The following CHAMP1 variants were observed in gnomAD, a reference collection of about 807,000 sequenced individuals.
CHAMP1 encodes the protein chromosome alignment maintaining phosphoprotein 1, also known as chromosome alignment-maintaining phosphoprotein 1.
A neutral mutation model predicts 54.5 loss-of-function variants in CHAMP1; 4 were observed. That is an observed-to-expected ratio of 0.07 (90% CI 0.04 to 0.17). The LOEUF (loss-of-function observed/expected upper bound fraction) is 0.17, where lower values mean the gene tolerates loss of function less well. Ranked by LOEUF, CHAMP1 falls within the 10% of genes least tolerant of loss-of-function variation. The pLI, the probability that CHAMP1 is intolerant of heterozygous loss-of-function variation, is 1.00. For missense variants in CHAMP1, 994 were observed against 968.6 expected, an observed-to-expected ratio of 1.03 and a Z score of -0.35; for synonymous variants, 368 against 342.2, an observed-to-expected ratio of 1.08 and a Z score of -0.83.
At chr13:114,323,256 T>C (rs2087195826) in intron 2 of CHAMP1, 1 of 152,274 alleles carries the variant, frequency 6.6e-6, no homozygotes, top group African/African-American at 2.4e-5. Context: ...CAAAATATGT[T>C]GACATGAAAT....
Position 114,323,833 on chromosome 13 carries a change from A to G in CHAMP1, c.-10A>G. The stretch of plus-strand genomic sequence containing the variant: ...GAATATAACCGTGTGTGTTGGTAAC[A>G]GACAGAAGAATGGAAGCATTCCAGG... On this transcript the variant is annotated 5_prime_UTR_variant, in exon 3 of 3. Transcript: ENST00000361283. The G allele has an allele frequency of 6.3e-7, 1 of 1,577,516 alleles. No homozygotes were observed. Among genetic ancestry groups the G allele is most frequent in the Non-Finnish European group, 8.6e-7 (1 of 1,166,780 alleles).
intron 1 of CHAMP1, among the ~76,000 whole-genome samples, 166 bp downstream of exon 1, chr13:114,314,809 C>T (rs554230343): frequency 1.3e-5 from 2 of 151,880 alleles, no homozygotes; most frequent in Admixed American, 1.3e-4. Context: ...GGCCCGCCCC[C>T]ACAGGCCGGG....
At chr13:114,318,589 G>T (rs2087128880) in intron 1 of CHAMP1, among the ~76,000 whole-genome samples, 1 of 152,044 alleles carries the variant, frequency 6.6e-6, no homozygotes, top group Admixed American at 6.6e-5. Flanking sequence ...CTTCCAGAGT[G>T]CTGGGATTAC....
Position 114,324,995 on chromosome 13 carries a change from G to C in CHAMP1, c.1153G>C (p.Ala385Pro). ...ACCCAGCTCCTGGAAGTCTCCCCCT[G>C]CATCTCCTGAGTCATGGAAGTCTGG... Reference protein sequence around the residue: ...VSPSSWKSPPASPESWKSGPP... With the variant: ...VSPSSWKSPPPSPESWKSGPP... Residue 385 changes from alanine (A) to proline (P), a missense_variant, in exon 3 of 3, where the codon GCA (alanine) becomes CCA (proline). Physicochemically the swap from Ala to Pro is conservative, Grantham distance 27 (BLOSUM62 -1). Coordinates refer to ENST00000361283, the MANE Select transcript of CHAMP1 (RefSeq NM_032436.4). 8 of 1,614,012 alleles carry C rather than the reference G, an allele frequency of 5.0e-6. No individual in the cohort carries two copies. The highest frequency in any genetic ancestry group is 6.8e-6 in the Non-Finnish European group (8 of 1,180,018).
intron 1 of CHAMP1, among the ~76,000 whole-genome samples, chr13:114,318,206 T>C (rs1210717656): frequency 6.6e-6 from 1 of 152,226 alleles, no homozygotes; most frequent in East Asian, 1.9e-4. Context: ...AGTGTTGTGA[T>C]CTTTGACAGG....
chr13:114,325,487 G>A lies in CHAMP1; in HGVS notation c.1645G>A (p.Ala549Thr), dbSNP rs2087236179. The A allele has an allele frequency of 6.2e-7, 1 of 1,613,960 alleles. No homozygotes were observed. The highest frequency in any genetic ancestry group is 8.5e-7 in the Non-Finnish European group (1 of 1,180,030). The change falls in exon 3 of 3, where the codon GCC becomes ACC. Residue 549 changes from alanine (A) to threonine (T), a missense_variant. Around this residue, in one of 3 missense-constraint regions of CHAMP1, gnomAD observed 851 missense variants for 701.3 expected, o/e 1.21. Coordinates refer to ENST00000361283, the MANE Select transcript of CHAMP1 (RefSeq NM_032436.4). ...PPASPEARKR[A>T]LFPEPRKHAL... ...TGCTTCTCCAGAAGCACGCAAACGT[G>A]CCCTTTTTCCAGAGCCCCGGAAGCA...
chr13:114,316,884 A>T (rs1423694491), intron 1 of CHAMP1, among the ~76,000 whole-genome samples: 1 of 151,986 alleles, frequency 6.6e-6, no homozygotes, highest in African/African-American at 2.4e-5. Flanking sequence ...CAGATTTCAG[A>T]TTTTCAGATT....
At position 114,324,708 on chromosome 13, in the gene CHAMP1, C is replaced by T; in HGVS notation, c.866C>T (p.Pro289Leu). ...RKPSPSESPE[P>L]WKPFPAVSPE... ...CCATCCCCTTCAGAGTCTCCTGAAC[C>T]TTGGAAGCCGTTCCCTGCTGTCTCC... The change falls in exon 3 of 3, where the codon CCT (proline) becomes CTT (leucine). Residue 289 changes from proline to leucine, a missense_variant. Physicochemically the swap from Pro to Leu is moderately conservative, Grantham distance 98 (BLOSUM62 -3). Transcript: ENST00000361283. 1.2e-6 allele frequency: 2 copies of T among 1,613,776 alleles called. No homozygotes were observed. Among genetic ancestry groups the T allele is most frequent in the Non-Finnish European group, 1.7e-6 (2 of 1,179,818 alleles).
chr13:114,321,716 A>G (rs2087174851), intron 2 of CHAMP1, among the ~76,000 whole-genome samples: 1 of 151,990 alleles, frequency 6.6e-6, no homozygotes. Context: ...TTAACCCATT[A>G]TTTTTCCATG....
At chr13:114,317,705 G>C (rs1174163665) in intron 1 of CHAMP1, among the ~76,000 whole-genome samples, 1 of 152,146 alleles carries the variant, frequency 6.6e-6, no homozygotes, top group Non-Finnish European at 1.5e-5. Context: ...CTTTGAACAT[G>C]TTCTACTTAT....
At chr13:114,316,229 T>C (rs558479160) in intron 1 of CHAMP1, among the ~76,000 whole-genome samples, 1 of 149,908 alleles carries the variant, frequency 6.7e-6, no homozygotes, top group Non-Finnish European at 1.5e-5. Context: ...AGTTATGCGA[T>C]CTTGGCCCAC....
At position 114,325,409 on chromosome 13, in the gene CHAMP1, A is replaced by G. The variant is rs1555379798; in HGVS notation, c.1567A>G (p.Thr523Ala). Residue 523 changes from threonine to alanine, a missense_variant, in exon 3 of 3, where the codon ACT becomes GCT. By Grantham distance (58) the Thr-to-Ala change is moderately conservative. Around this residue, in one of 3 missense-constraint regions of CHAMP1, gnomAD observed 851 missense variants for 701.3 expected, o/e 1.21. Coordinates refer to ENST00000361283, the MANE Select transcript of CHAMP1 (RefSeq NM_032436.4). ...DIWKPVLSID[T>A]EPRKPALFPE... ...CTGGAAGCCTGTTCTCTCTATCGAT[A>G]CTGAGCCTAGAAAACCTGCCCTGTT... 5 of 1,614,014 alleles carry G rather than the reference A, an allele frequency of 3.1e-6. No individual in the cohort carries two copies. The highest frequency in any genetic ancestry group is 1.1e-5 in the South Asian group (1 of 91,066).
Position 114,325,653 on chromosome 13 carries a change from C to G in CHAMP1, c.1811C>G (p.Pro604Arg), listed in dbSNP as rs12428067. ...ILVQEELLASPKKLLEDTLFP... is the reference protein window; with the variant it reads ...ILVQEELLASRKKLLEDTLFP... Reference sequence around the variant, plus strand: ...GTTCAGGAAGAACTTCTAGCTTCACCTAAGAAACTCTTAGAAGATACTTTA... The same window carrying G: ...GTTCAGGAAGAACTTCTAGCTTCACGTAAGAAACTCTTAGAAGATACTTTA... Residue 604 changes from proline to arginine, a missense_variant, in exon 3 of 3, where the codon CCT (proline) becomes CGT (arginine). Pro to Arg is a moderately radical substitution (Grantham distance 103). Around this residue, in one of 3 missense-constraint regions of CHAMP1, gnomAD observed 851 missense variants for 701.3 expected, o/e 1.21. Coordinates refer to ENST00000361283, the MANE Select transcript of CHAMP1 (RefSeq NM_032436.4). 1.2e-6 allele frequency: 2 copies of G among 1,614,130 alleles called. No individual in the cohort carries two copies. The highest frequency in any genetic ancestry group is 1.7e-6 in the Non-Finnish European group (2 of 1,180,020).
chr13:114,323,829 T>C lies in CHAMP1; in HGVS notation c.-14T>C, dbSNP rs1028143785. 24 of 1,585,510 alleles carry C rather than the reference T, an allele frequency of 1.5e-5. No individual in the cohort carries two copies. Among genetic ancestry groups the C allele is most frequent in the Admixed American group, 9.0e-5 (5 of 55,864 alleles). On this transcript the variant is annotated 5_prime_UTR_variant, in exon 3 of 3. Transcript: ENST00000361283. ...TAAAGAATATAACCGTGTGTGTTGG[T>C]AACAGACAGAAGAATGGAAGCATTC... is the stretch of plus-strand genomic sequence containing the variant.
rs782729324 is a variant in CHAMP1 at position 114,324,382 on chromosome 13, C to G, written c.540C>G (p.Ala180=). 2 of 1,614,138 alleles carry G rather than the reference C, an allele frequency of 1.2e-6. No homozygotes were observed. The highest frequency in any genetic ancestry group is 8.5e-7 in the Non-Finnish European group (1 of 1,180,038). Residue 180 remains alanine, a synonymous_variant, in exon 3 of 3, where the codon GCC becomes GCG. Coordinates refer to ENST00000361283, the MANE Select transcript of CHAMP1 (RefSeq NM_032436.4). ...CTTCTCCTGAGCCTTCAAAACCTGC[C>G]TCTGTTTCTTCTCCTGAACCTCCAA... The part of the protein sequence containing the change: ...PLPSPEPSKP[A]SVSSPEPPKS...
In CHAMP1 at chr13:114,325,841, A is replaced by G. The variant is rs1566793079; in HGVS notation, c.1999A>G (p.Lys667Glu). ...TGATGTGGAATCCATTGATTTTAGC[A>G]AAGAGAACAAAATGGACATGACTAG... Reference protein sequence around the residue: ...QVDVESIDFSKENKMDMTSPE... With the variant: ...QVDVESIDFSEENKMDMTSPE... Residue 667 changes from lysine (K) to glutamate (E), a missense_variant, in exon 3 of 3, where the codon AAA becomes GAA. Transcript: ENST00000361283. The G allele has an allele frequency of 6.2e-7, 1 of 1,614,222 alleles. No individual in the cohort carries two copies. The highest frequency in any genetic ancestry group is 8.5e-7 in the Non-Finnish European group (1 of 1,180,030).
rs146349096 is a variant in CHAMP1, at chr13:114,323,923, A to G, written c.81A>G (p.Glu27=). The change falls in exon 3 of 3, where the codon GAA becomes GAG. Residue 27 remains glutamate (E), a synonymous_variant. Coordinates refer to ENST00000361283, the MANE Select transcript of CHAMP1 (RefSeq NM_032436.4). ...GCAGTTTCAGAGGCACAGACTATGA[A>G]AATGTACAAATCCATATGGGTACCA... is the stretch of plus-strand genomic sequence containing the variant. ...DHCSFRGTDY[E]NVQIHMGTIH... 597 of 1,614,228 alleles carry G rather than the reference A, an allele frequency of 3.7e-4. 1 individual carries two copies. The highest frequency in any genetic ancestry group is 4.8e-4 in the Admixed American group (29 of 60,034).
Position 114,324,193 on chromosome 13 carries a change from A to G in CHAMP1, c.351A>G (p.Ile117Met), listed in dbSNP as rs1454985372. The G allele has an allele frequency of 1.2e-6, 2 of 1,613,976 alleles. No individual in the cohort carries two copies. The highest frequency in any genetic ancestry group is 1.1e-5 in the South Asian group (1 of 91,084). Residue 117 changes from isoleucine to methionine, a missense_variant, in exon 3 of 3, where the codon ATA becomes ATG. By Grantham distance (10) the Ile-to-Met change is conservative. Coordinates refer to ENST00000361283, the MANE Select transcript of CHAMP1 (RefSeq NM_032436.4). Reference sequence around the variant, plus strand: ...CTCCTCTTCCTGAACACCAGAAAATACCCTGCAATTCAGCAGAACCAAAAT... The same window carrying G: ...CTCCTCTTCCTGAACACCAGAAAATGCCCTGCAATTCAGCAGAACCAAAAT... ...KSPPLPEHQKIPCNSAEPKSI... is the reference protein window; with the variant it reads ...KSPPLPEHQKMPCNSAEPKSI...
chr13:114,318,670 C>G (rs1566788465), intron 1 of CHAMP1, among the ~76,000 whole-genome samples: 1 of 152,030 alleles, frequency 6.6e-6, no homozygotes, highest in Non-Finnish European at 1.5e-5. Context: ...GACAAAGGAA[C>G]TCGTTCTAGT....
Sources: gnomAD v4.1 joint callset for allele counts (sites outside exome capture counted in the v4.1 genomes callset) on GRCh38, gnomAD v4.1.1 for gene constraint, gnomAD v4.1.1 regional missense constraint, MANE v1.5 for transcripts, NCBI Gene and HGNC (gene_info 2026-07-23, HGNC 2026-07-21) for gene names.